The following KIAA0825 variants were observed in gnomAD, a reference collection of about 807,000 sequenced individuals.
KIAA0825 encodes uncharacterized protein KIAA0825.
Under a neutral mutation model 147.6 loss-of-function variants are expected in KIAA0825, and 119 were observed. The observed-to-expected ratio is 0.81, with a 90% CI of 0.69 to 0.94. The LOEUF is 0.94. Among genes scored for constraint, KIAA0825 ranks in the 40% least tolerant of loss-of-function variants. The probability of loss-of-function intolerance (pLI) is 0.00; values close to 1 mark genes in which losing one functional copy is unlikely to be tolerated. For missense variants in KIAA0825, 1,381 were observed against 1,472.7 expected (o/e 0.94, Z 1.02); for synonymous variants, 470 against 518.1 (o/e 0.91, Z 1.26).
At chr5:94,547,669 G>A (rs1020804254) in intron 2 of KIAA0825, among the ~76,000 whole-genome samples, 45 of 148,842 alleles carry the variant, frequency 3.0e-4, no homozygotes, top group African/African-American at 9.8e-4. Context: ...CCCGGGAGGC[G>A]GAGGTTGCAG....
chr5:94,555,423 T>C (rs558952479), intron 2 of KIAA0825, among the ~76,000 whole-genome samples: 1 of 152,294 alleles, frequency 6.6e-6, no homozygotes, highest in East Asian at 1.9e-4. Context: ...CTGATTACTA[T>C]AATTATGTAA....
chr5:94,606,484 G>A lies in KIAA0825; in HGVS notation c.-153+12016C>T, dbSNP rs192885030. Reference sequence around the variant, plus strand: ...ACAGAAACAACAAAGCTGGAGGAACGGTGTTACCTAACTTCAAACTACACT... The same window carrying A: ...ACAGAAACAACAAAGCTGGAGGAACAGTGTTACCTAACTTCAAACTACACT... On this transcript the variant is annotated intron_variant, in intron 1 of 20. Coordinates refer to ENST00000682413, the MANE Select transcript of KIAA0825 (RefSeq NM_001145678.3). Among the ~76,000 whole-genome samples, 82 of 152,194 alleles carry A rather than the reference G, an allele frequency of 5.4e-4. No individual in the cohort carries two copies. The South Asian group carries it at 0.01, about 19-fold the overall frequency.
intron 13 of KIAA0825, among the ~76,000 whole-genome samples, chr5:94,444,239 C>T (rs1280554296): frequency 1.3e-5 from 2 of 152,054 alleles, no homozygotes; most frequent in Non-Finnish European, 2.9e-5. Flanking sequence ...CACACCTCTA[C>T]CAGGGGGACC....
chr5:94,196,288 C>T (rs1157478731), intron 20 of KIAA0825, among the ~76,000 whole-genome samples: 9 of 152,098 alleles, frequency 5.9e-5, no homozygotes, highest in Non-Finnish European at 1.0e-4. Context: ...TCCCATATAA[C>T]CTTACAATGT....
At chr5:94,315,700 A>T (rs1349250583) in intron 20 of KIAA0825, among the ~76,000 whole-genome samples, 1 of 151,738 alleles carries the variant, frequency 6.6e-6, no homozygotes, top group Non-Finnish European at 1.5e-5. Context: ...CAGTTATATT[A>T]ATTATTATTT....
At chr5:94,399,998 TCA>T (rs944545571) in intron 16 of KIAA0825, among the ~76,000 whole-genome samples, 2 of 152,108 alleles carry the variant, frequency 1.3e-5, no homozygotes, top group African/African-American at 2.4e-5. Flanking sequence ...AGTTCTAAGT[TCA>T]GTTTGTTTCA....
rs201212314 is a variant in KIAA0825 at position 94,464,912 on chromosome 5, A to T, written c.2020T>A (p.Tyr674Asn). The change falls in exon 11 of 21, where the codon TAC becomes AAC. Residue 674 changes from tyrosine (Y) to asparagine (N), a missense_variant. Coordinates refer to ENST00000682413, the MANE Select transcript of KIAA0825 (RefSeq NM_001145678.3). ...TTACGGCTGGGGTGGGCCCGAGCGTATCTGGAGGCCAGTAGACTCAAAGAT... is the reference window on the plus strand; with the variant it reads ...TTACGGCTGGGGTGGGCCCGAGCGTTTCTGGAGGCCAGTAGACTCAAAGAT... ...EKSLSLLASR[Y>N]ARAHPSRKRT... The T allele has an allele frequency of 8.4e-4, 1,304 of 1,551,668 alleles. No homozygotes were observed. The highest frequency in any genetic ancestry group is 1.0e-3 in the Non-Finnish European group (1,170 of 1,146,954).
intron 20 of KIAA0825, among the ~76,000 whole-genome samples, chr5:94,347,559 C>G (rs565296461): frequency 6.6e-6 from 1 of 152,158 alleles, no homozygotes; most frequent in South Asian, 2.1e-4. Flanking sequence ...ACAACAATCA[C>G]TGCAGTTTGG....
chr5:94,558,416 G>T (rs1377313616), intron 2 of KIAA0825, among the ~76,000 whole-genome samples: 6 of 152,056 alleles, frequency 3.9e-5, no homozygotes. Context: ...ATGTTTTTTG[G>T]CTGAGGCCAC....
intron 20 of KIAA0825, among the ~76,000 whole-genome samples, chr5:94,169,565 G>GAAAA (rs57781961): frequency 2.3e-5 from 2 of 86,658 alleles, no homozygotes; most frequent in East Asian, 8.2e-4. Context: ...CTGGGTGACA[G>GAAAA]AAAAAAAAAA....
rs570837464 is a variant in KIAA0825 at position 94,396,314 on chromosome 5, T to A, written c.3083A>T (p.Asp1028Val). The A allele has an allele frequency of 2.4e-5, 37 of 1,550,548 alleles. No individual in the cohort carries two copies. The African/African-American group carries it at 4.5e-4, about 19-fold the overall frequency. ...TGTTAAAAGTTCCACAGTGTTTCCGTCCTCAAATATCCGACATATAATTAC... is the reference window on the plus strand; with the variant it reads ...TGTTAAAAGTTCCACAGTGTTTCCGACCTCAAATATCCGACATATAATTAC... Reference protein sequence around the residue: ...LIVIICRIFEDGNTVELLTGA... With the variant: ...LIVIICRIFEVGNTVELLTGA... Residue 1028 changes from aspartate to valine, a missense_variant, in exon 17 of 21, where the codon GAC (aspartate) becomes GTC (valine). Asp to Val is a radical substitution (Grantham distance 152, BLOSUM62 -3). Coordinates refer to ENST00000682413, the MANE Select transcript of KIAA0825 (RefSeq NM_001145678.3).
chr5:94,394,633 T>G (rs193120216), intron 17 of KIAA0825, among the ~76,000 whole-genome samples: 158 of 152,346 alleles, frequency 1.0e-3, no homozygotes, highest in Non-Finnish European at 1.7e-3. Context: ...TAGGGGCTAC[T>G]AAATGAGCAG....
At chr5:94,577,546 CA>C (rs1353496360) in intron 2 of KIAA0825, among the ~76,000 whole-genome samples, 1 of 152,202 alleles carries the variant, frequency 6.6e-6, no homozygotes, top group Non-Finnish European at 1.5e-5. Context: ...CTCTCTTTGG[CA>C]ATTGAAAAGT....
At chr5:94,255,000 A>G (rs1407672949) in intron 20 of KIAA0825, among the ~76,000 whole-genome samples, 1 of 151,982 alleles carries the variant, frequency 6.6e-6, no homozygotes, top group Non-Finnish European at 1.5e-5. Flanking sequence ...GATAAATTAG[A>G]AAGTGTCATG....
intron 15 of KIAA0825, chr5:94,413,243 C>A (rs1278980997): frequency 6.6e-6 from 1 of 152,250 alleles, no homozygotes; most frequent in East Asian, 1.9e-4. Context: ...AGCCACCATG[C>A]TTGGCCGAGT....
chr5:94,308,076 T>C (rs1179870644), intron 20 of KIAA0825, among the ~76,000 whole-genome samples: 1 of 149,898 alleles, frequency 6.7e-6, no homozygotes, highest in East Asian at 1.9e-4. Flanking sequence ...AATAGAGTGA[T>C]TGAGGATTTT....
At chr5:94,310,184 G>A (rs755748750) in intron 20 of KIAA0825, among the ~76,000 whole-genome samples, 2 of 151,592 alleles carry the variant, frequency 1.3e-5, no homozygotes, top group Non-Finnish European at 3.0e-5. Context: ...ATAAAAGGTA[G>A]CTTTATCTCT....
chr5:94,270,540 A>G (rs1335341661), intron 20 of KIAA0825, among the ~76,000 whole-genome samples: 4 of 151,878 alleles, frequency 2.6e-5, no homozygotes, highest in Non-Finnish European at 5.9e-5. Context: ...TGGTGCATGC[A>G]GTATTGGTAC....
Position 94,417,229 on chromosome 5 carries a change from T to C in KIAA0825, c.2634A>G (p.Gln878=). Residue 878 remains glutamine, a synonymous_variant, in exon 15 of 21, where the codon CAA becomes CAG. Transcript: ENST00000682413. ...NVFVSYMEEE[Q]LWDFLYNIPV... ...GGATGTTATATAAAAAGTCCCATAA[T>C]TGCTCTTCTTCCATGTAGCTCACAA... is the stretch of plus-strand genomic sequence containing the variant. 2 of 1,550,982 alleles carry C rather than the reference T, an allele frequency of 1.3e-6. No individual in the cohort carries two copies. Among genetic ancestry groups the C allele is most frequent in the Non-Finnish European group, 1.7e-6 (2 of 1,146,512 alleles).
Sources: allele counts gnomAD v4.1 joint callset (sites outside exome capture counted in the v4.1 genomes callset), GRCh38; gene constraint gnomAD v4.1.1; transcripts MANE v1.5; gene names NCBI Gene and HGNC (gene_info 2026-07-23, HGNC 2026-07-21).